KCNK2: variants seen among roughly 807,000 people sequenced by gnomAD.
KCNK2 encodes the protein potassium channel subfamily K member 2.
In KCNK2, 21 loss-of-function variants were observed where a neutral mutation model predicts 40.5. The ratio of observed to expected loss-of-function variants is 0.52; its 90% CI spans 0.37 to 0.75. The LOEUF (loss-of-function observed/expected upper bound fraction) is 0.75, where lower values mean the gene tolerates loss of function less well. Ranked by LOEUF, KCNK2 falls within the 30% of genes least tolerant of loss-of-function variation. The pLI, the probability that KCNK2 is intolerant of heterozygous loss-of-function variation, is 0.00. For synonymous variants in KCNK2, 191 were observed against 202.2 expected, an observed-to-expected ratio of 0.94 and a Z score of 0.47; for missense variants, 399 against 531.6, an observed-to-expected ratio of 0.75 and a Z score of 2.45.
At chr1:215,213,910 T>C (rs1209288294) in intron 6 of KCNK2, among the ~76,000 whole-genome samples, 2 of 152,192 alleles carry the variant, frequency 1.3e-5, no homozygotes, top group African/African-American at 4.8e-5. Context: ...GAATTTTATA[T>C]TTAATAAATA....
At chr1:215,086,815 C>T (rs573136216) in intron 2 of KCNK2, 137 bp downstream of exon 2, 3 of 693,266 alleles carry the variant, frequency 4.3e-6, no homozygotes, top group African/African-American at 3.6e-5. Context: ...TAACATATAG[C>T]TCTTTTCCCC....
intron 1 of KCNK2, among the ~76,000 whole-genome samples, chr1:215,066,470 T>TA (rs34137784): frequency 0.51 from 77,648 of 151,618 alleles, 20,649 homozygotes; most frequent in South Asian, 0.81. Flanking sequence ...ATTAGACTGC[T>TA]AAAAAAAATT....
chr1:215,074,173 G>C (rs1458387783), intron 1 of KCNK2, among the ~76,000 whole-genome samples: 1 of 152,126 alleles, frequency 6.6e-6, no homozygotes, highest in East Asian at 1.9e-4. Context: ...TTTCTTGTAT[G>C]TTTAAGGGTT....
intron 3 of KCNK2, among the ~76,000 whole-genome samples, chr1:215,150,116 C>T (rs1196614859): frequency 2.0e-5 from 3 of 152,118 alleles, no homozygotes; most frequent in Non-Finnish European, 1.5e-5. Flanking sequence ...GGTTCAGATC[C>T]AGTCTTGGGA....
intron 2 of KCNK2, among the ~76,000 whole-genome samples, chr1:215,111,939 A>C (rs1260423728): frequency 1.3e-5 from 2 of 150,784 alleles, no homozygotes; most frequent in African/African-American, 2.5e-5. Context: ...GTGGGCCTCA[A>C]ATCTTTTTTA....
chr1:215,052,942 A>G (rs1002679964), intron 1 of KCNK2, among the ~76,000 whole-genome samples: 7 of 152,088 alleles, frequency 4.6e-5, no homozygotes, highest in Admixed American at 6.5e-5. Context: ...TCTTTTCTAT[A>G]AACAGTAGTT....
chr1:215,222,381 A>G lies in KCNK2; in HGVS notation c.964-12447A>G, dbSNP rs560059072. 5.3e-5 allele frequency among the ~76,000 whole-genome samples: 8 copies of G among 152,286 alleles called. No homozygotes were observed. The South Asian group carries it at 1.7e-3, about 32-fold the overall frequency. On this transcript the variant is annotated intron_variant, in intron 6 of 6. Transcript: ENST00000444842. The stretch of plus-strand genomic sequence containing the variant: ...ATGATGACAAAAATAAGTTGAGTTT[A>G]CTCTGCAACAAGTGAGTGTTTGATT...
chr1:215,143,409 G>T (rs1465832058), intron 3 of KCNK2, among the ~76,000 whole-genome samples: 1 of 152,146 alleles, frequency 6.6e-6, no homozygotes, highest in Non-Finnish European at 1.5e-5. Context: ...TCATAGGTCA[G>T]AAAAATTATG....
At chr1:215,106,566 C>T (rs1016881042) in intron 2 of KCNK2, among the ~76,000 whole-genome samples, 2 of 151,786 alleles carry the variant, frequency 1.3e-5, no homozygotes, top group African/African-American at 4.8e-5. Flanking sequence ...AGTTTCTTTT[C>T]CTGGGCAGAA....
intron 6 of KCNK2, among the ~76,000 whole-genome samples, chr1:215,195,578 T>G (rs1008223118): frequency 6.6e-6 from 1 of 152,134 alleles, no homozygotes; most frequent in African/African-American, 2.4e-5. Context: ...ATTCCAAAGC[T>G]GTATGCATTA....
At chr1:215,211,850 AAAGAT>A (rs1489174727) in intron 6 of KCNK2, among the ~76,000 whole-genome samples, 3 of 152,190 alleles carry the variant, frequency 2.0e-5, no homozygotes, top group East Asian at 1.9e-4. Context: ...CTGTCAAACT[AAAGAT>A]AAGATTTTAA....
intron 6 of KCNK2, among the ~76,000 whole-genome samples, chr1:215,232,882 T>C (rs1666727947): frequency 6.6e-6 from 1 of 152,102 alleles, no homozygotes. Context: ...CCCCAAGACT[T>C]GAGACATGAC....
chr1:215,027,227 T>C (rs1416347999), intron 1 of KCNK2, among the ~76,000 whole-genome samples: 1 of 152,160 alleles, frequency 6.6e-6, no homozygotes, highest in Non-Finnish European at 1.5e-5. Context: ...TTACAAAATT[T>C]CTAACAACTC....
intron 3 of KCNK2, among the ~76,000 whole-genome samples, chr1:215,155,700 T>C (rs1390349755): frequency 2.0e-5 from 3 of 152,070 alleles, no homozygotes; most frequent in South Asian, 2.1e-4. Flanking sequence ...TTGTATTTTT[T>C]AGTAAAGATG....
intron 1 of KCNK2, among the ~76,000 whole-genome samples, chr1:215,040,105 A>T (rs1278312558): frequency 1.3e-5 from 2 of 152,152 alleles, no homozygotes; most frequent in Non-Finnish European, 2.9e-5. Flanking sequence ...ACATTACATT[A>T]CAGTGACACC....
chr1:215,080,195 A>G (rs11120486), upstream of KCNK2, among the ~76,000 whole-genome samples: 21,611 of 152,190 alleles, frequency 0.14, 1,566 homozygotes, highest in Middle Eastern at 0.26. Flanking sequence ...AAACATATTT[A>G]ATTTATTAAA....
At chr1:215,224,578 C>T (rs1666308512) in intron 6 of KCNK2, among the ~76,000 whole-genome samples, 1 of 151,852 alleles carries the variant, frequency 6.6e-6, no homozygotes, top group African/African-American at 2.4e-5. Flanking sequence ...ACTGAAAAGA[C>T]TGAAAATTTT....
chr1:215,191,283 CAAA>C (rs34924845), intron 5 of KCNK2, among the ~76,000 whole-genome samples: 10 of 139,126 alleles, frequency 7.2e-5, no homozygotes, highest in East Asian at 2.1e-4. Flanking sequence ...GGCTGCATCT[CAAA>C]AAAAAAAAAA....
chr1:215,077,007 C>T (rs1658967098), intron 1 of KCNK2, among the ~76,000 whole-genome samples: 1 of 152,200 alleles, frequency 6.6e-6, no homozygotes, highest in African/African-American at 2.4e-5. Context: ...TGTATTGCTT[C>T]ACTCTCAGGC....
Sources: gnomAD v4.1 joint callset for allele counts (sites outside exome capture counted in the v4.1 genomes callset) on GRCh38, gnomAD v4.1.1 for gene constraint, MANE v1.5 for transcripts, NCBI Gene and HGNC (gene_info 2026-07-23, HGNC 2026-07-21) for gene names.